AGBL1: variants seen among roughly 807,000 people sequenced by gnomAD.
AGBL1 encodes the protein cytosolic carboxypeptidase 4.
A neutral mutation model predicts 118.9 loss-of-function variants in AGBL1; 130 were observed. The observed-to-expected ratio is 1.09, with a 90% CI of 0.95 to 1.26. AGBL1 has a LOEUF of 1.26. AGBL1 is among the 50% of genes most tolerant of loss of function. The pLI is 0.00. For synonymous variants in AGBL1, 555 were observed against 478.9 expected (o/e 1.16, Z -2.08); for missense variants, 1,584 against 1,298.1 (o/e 1.22, Z -3.38).
intron 21 of AGBL1, among the ~76,000 whole-genome samples, chr15:86,577,174 G>A (rs555294669): frequency 1.5e-4 from 23 of 152,276 alleles, no homozygotes; most frequent in African/African-American, 5.3e-4. Flanking sequence ...ATAGTGATAT[G>A]GACAATGAAG....
intron 18 of AGBL1, among the ~76,000 whole-genome samples, chr15:86,399,484 T>A (rs1430807548): frequency 6.6e-6 from 1 of 152,090 alleles, no homozygotes; most frequent in Non-Finnish European, 1.5e-5. Flanking sequence ...GGATCTAGAG[T>A]CATATGATTC....
At chr15:86,788,427 A>G (rs2078445496) in intron 22 of AGBL1, among the ~76,000 whole-genome samples, 1 of 152,222 alleles carries the variant, frequency 6.6e-6, no homozygotes, top group Non-Finnish European at 1.5e-5. Flanking sequence ...TCTCTAATGA[A>G]GTCACTGCAA....
intron 23 of AGBL1, among the ~76,000 whole-genome samples, chr15:86,949,125 A>T (rs1257533145): frequency 1.3e-5 from 2 of 152,192 alleles, no homozygotes; most frequent in South Asian, 4.1e-4. Context: ...AAAAAGAAAT[A>T]CTGTAAAGAA....
intron 21 of AGBL1, among the ~76,000 whole-genome samples, chr15:86,592,997 A>G (rs2084358752): frequency 6.6e-6 from 1 of 152,238 alleles, no homozygotes; most frequent in Admixed American, 6.5e-5. Flanking sequence ...ACTAGTTATC[A>G]TTCTATGACA....
chr15:87,011,282 A>G (rs910548626), intron 24 of AGBL1, among the ~76,000 whole-genome samples: 2 of 152,202 alleles, frequency 1.3e-5, no homozygotes, highest in Non-Finnish European at 2.9e-5. Flanking sequence ...CATGGAGAAG[A>G]GGCCCACTCC....
chr15:86,479,346 T>G (rs2082612881), intron 18 of AGBL1, among the ~76,000 whole-genome samples: 1 of 152,218 alleles, frequency 6.6e-6, no homozygotes. Flanking sequence ...GACAAAGGGC[T>G]AATATCCAGA....
Position 86,613,783 on chromosome 15 carries a change from T to G in AGBL1, c.2994+59246T>G, listed in dbSNP as rs2469160. On this transcript the variant is annotated intron_variant, in intron 21 of 22. Coordinates refer to ENST00000614907, the MANE Select transcript of AGBL1 (RefSeq NM_001386094.1). The surrounding 1 kb of genome is among the most constrained non-coding windows in gnomAD (Gnocchi z 4.2). ...AGGGAGCTTGTTAGAAATGCAGAAT[T>G]TCAGACCCCATCCCAGACCTACTGA... Among the ~76,000 whole-genome samples the G allele has an allele frequency of 0.51, 77,723 of 152,028 alleles. 19,967 individuals are homozygous for G. The highest frequency in any genetic ancestry group is 0.73 in the East Asian group (3,779 of 5,148).
intron 23 of AGBL1, among the ~76,000 whole-genome samples, chr15:86,965,427 G>A (rs977035993): frequency 3.3e-5 from 5 of 152,014 alleles, no homozygotes; most frequent in Admixed American, 1.3e-4. Flanking sequence ...CCGCATAAAT[G>A]TCTTCTTTTG....
intron 5 of AGBL1, among the ~76,000 whole-genome samples, chr15:86,169,443 A>T (rs2077385240): frequency 6.6e-6 from 1 of 152,210 alleles, no homozygotes; most frequent in Non-Finnish European, 1.5e-5. Flanking sequence ...TGGATAAAGT[A>T]CACAGGATTT....
At chr15:86,376,054 G>A (rs1040661786) in intron 17 of AGBL1, among the ~76,000 whole-genome samples, 4 of 152,160 alleles carry the variant, frequency 2.6e-5, no homozygotes, top group Non-Finnish European at 2.9e-5. Context: ...ATGGCTATGT[G>A]AGCATATGGA....
intron 18 of AGBL1, among the ~76,000 whole-genome samples, chr15:86,424,376 C>A (rs2142028988): frequency 6.6e-6 from 1 of 152,258 alleles, no homozygotes; most frequent in East Asian, 1.9e-4. Context: ...ACACCTTATA[C>A]AAAAATTAAC....
At chr15:87,001,927 T>C (rs1329005851) in intron 24 of AGBL1, among the ~76,000 whole-genome samples, 1 of 152,134 alleles carries the variant, frequency 6.6e-6, no homozygotes, top group Non-Finnish European at 1.5e-5. Context: ...ATTCTGTAGG[T>C]TGCCTGTTCA....
At chr15:87,014,728 A>C (rs1284444423) in intron 24 of AGBL1, among the ~76,000 whole-genome samples, 3 of 152,100 alleles carry the variant, frequency 2.0e-5, no homozygotes, top group Admixed American at 1.3e-4. Flanking sequence ...TTCTTTTATC[A>C]CTTGTACTGC....
chr15:87,007,086 A>C (rs1404977849), intron 24 of AGBL1, among the ~76,000 whole-genome samples: 1 of 152,226 alleles, frequency 6.6e-6, no homozygotes, highest in Non-Finnish European at 1.5e-5. Context: ...AATCAAGTGA[A>C]GTTATAGAAA....
intron 22 of AGBL1, among the ~76,000 whole-genome samples, chr15:86,786,550 G>A (rs2078415663): frequency 6.6e-6 from 1 of 152,026 alleles, no homozygotes; most frequent in Non-Finnish European, 1.5e-5. Flanking sequence ...CAAATAAAAT[G>A]GTTATCCTCT....
At chr15:86,085,791 T>C (rs1895608339) in intron 1 of AGBL1, among the ~76,000 whole-genome samples, 1 of 152,166 alleles carries the variant, frequency 6.6e-6, no homozygotes, top group Non-Finnish European at 1.5e-5. Context: ...GTTGTTGTTG[T>C]TTTTAATTTG....
chr15:86,189,884 C>T (rs942387257), intron 5 of AGBL1, among the ~76,000 whole-genome samples: 1 of 152,184 alleles, frequency 6.6e-6, no homozygotes, highest in Non-Finnish European at 1.5e-5. Context: ...CTTGACATTA[C>T]CATGCTGGAC....
intron 22 of AGBL1, among the ~76,000 whole-genome samples, chr15:86,858,463 G>GGGGTGTGTGTGT (rs1555457467): frequency 1.4e-5 from 2 of 147,090 alleles, no homozygotes; most frequent in East Asian, 4.1e-4. Context: ...CCTTTCAGGT[G>GGGGTGTGTGTGT]GTGTGTGTGT....
At chr15:86,312,108 C>G (rs1423529532) in intron 17 of AGBL1, 3 of 152,178 alleles carry the variant, frequency 2.0e-5, no homozygotes, top group Non-Finnish European at 1.5e-5. Context: ...CAGGGACATC[C>G]CCTCACCCCA....
Sources: gnomAD v4.1 joint callset for allele counts (sites outside exome capture counted in the v4.1 genomes callset) on GRCh38, gnomAD v4.1.1 for gene constraint, Gnocchi (gnomAD v3.1) non-coding constraint, MANE v1.5 for transcripts, NCBI Gene and HGNC (gene_info 2026-07-23, HGNC 2026-07-21) for gene names.